Variants in GCNT1 observed in about 807,000 individuals in gnomAD.
GCNT1 encodes the protein glucosaminyl (N-acetyl) transferase 1, also known as beta-1,3-galactosyl-O-glycosyl-glycoprotein beta-1,6-N-acetylglucosaminyltransferase.
In GCNT1, 16 loss-of-function variants were observed where a neutral mutation model predicts 26.2. That is an observed-to-expected ratio of 0.61 (90% confidence interval 0.41 to 0.93). GCNT1 has a LOEUF of 0.93. Ranked by LOEUF, GCNT1 falls within the 40% of genes least tolerant of loss-of-function variation. The pLI, the probability that GCNT1 is intolerant of heterozygous loss-of-function variation, is 0.00. For missense variants in GCNT1, 477 were observed against 526.7 expected (o/e 0.91, Z 0.92); for synonymous variants, 183 against 190.8 (o/e 0.96, Z 0.34).
chr9:76,431,348 A>G (rs537983405), intron 1 of GCNT1, among the ~76,000 whole-genome samples: 69 of 152,338 alleles, frequency 4.5e-4, no homozygotes, highest in Non-Finnish European at 9.0e-4. Flanking sequence ...TACTCGCTAC[A>G]GATTTGGGGG....
the GCNT1 span, among the ~76,000 whole-genome samples, chr9:76,399,815 C>T: frequency 6.6e-6 from 1 of 152,060 alleles, no homozygotes; most frequent in East Asian, 1.9e-4. Flanking sequence ...ATTGCCAAAA[C>T]GTGGAAGCAA....
chr9:76,474,349 C>G (rs1020039509), intron 2 of GCNT1, among the ~76,000 whole-genome samples: 1 of 152,118 alleles, frequency 6.6e-6, no homozygotes, highest in African/African-American at 2.4e-5. Flanking sequence ...CAGAAACTTA[C>G]AAGTAGTGAC....
At chr9:76,484,709 A>T (rs1824518830) in intron 2 of GCNT1, among the ~76,000 whole-genome samples, 1 of 151,666 alleles carries the variant, frequency 6.6e-6, no homozygotes, top group South Asian at 2.1e-4. Flanking sequence ...GTATATTGTC[A>T]TGCTTTTTGT....
chr9:76,498,578 A>C (rs1824971150), intron 2 of GCNT1, among the ~76,000 whole-genome samples: 1 of 152,018 alleles, frequency 6.6e-6, no homozygotes, highest in Non-Finnish European at 1.5e-5. Flanking sequence ...TTCCAGACCA[A>C]CCAGGCCAAC....
chr9:76,458,175 ATTTTTTTTTTTTT>A (rs779648273), upstream of GCNT1, among the ~76,000 whole-genome samples: 1 of 76,212 alleles, frequency 1.3e-5, no homozygotes, highest in Non-Finnish European at 2.3e-5. Flanking sequence ...TCTGAGTTGG[ATTTTTTTTTTTTT>A]TTTTTTTTTT....
intron 2 of GCNT1, among the ~76,000 whole-genome samples, chr9:76,497,547 A>C (rs1431291586): frequency 2.0e-5 from 3 of 152,222 alleles, no homozygotes; most frequent in African/African-American, 7.2e-5. Context: ...TTAAAACCCA[A>C]AACTAGTGAT....
rs755947639 is a variant in GCNT1 at position 76,506,078 on chromosome 9, A to T, written c.*2410A>T. 1.2e-5 allele frequency: 2 copies of T among 167,102 alleles called. No homozygotes were observed. Among genetic ancestry groups the T allele is most frequent in the Non-Finnish European group, 2.9e-5 (2 of 68,130 alleles). The allele number at this position is 167,102 out of a possible 1,614,324, so 10.4% of individuals were successfully genotyped here. A position where few individuals can be genotyped will look rare whatever the true frequency, so the allele number is the denominator to read the frequency against. On this transcript the variant is annotated 3_prime_UTR_variant, in exon 4 of 4. Coordinates refer to ENST00000376730, the MANE Select transcript of GCNT1 (RefSeq NM_001490.5). ...GGACAATTTACAGCAAATGAAATTT[A>T]TGATGCTGTGACAAGAAATTTAAAG...
chr9:76,463,342 C>T (rs1281649221), intron 2 of GCNT1, among the ~76,000 whole-genome samples: 1 of 152,176 alleles, frequency 6.6e-6, no homozygotes, highest in African/African-American at 2.4e-5. Flanking sequence ...AGTGTGACTG[C>T]GTTGGTTGCC....
At chr9:76,493,981 T>C (rs1355283228) in intron 2 of GCNT1, among the ~76,000 whole-genome samples, 2 of 152,048 alleles carry the variant, frequency 1.3e-5, no homozygotes, top group African/African-American at 2.4e-5. Flanking sequence ...ATTGTCCCAG[T>C]GGCTTAGGAT....
In GCNT1 at chr9:76,505,360, CTG is replaced by C. The variant is rs1457046273; in HGVS notation, c.*1694_*1695del. ...GTTTTTGCATGATTAGCATGGGAGT[CTG>C]TTGGAGCAAGAGGAACATGCTTGTT... On this transcript the variant is annotated 3_prime_UTR_variant, in exon 4 of 4. Transcript: ENST00000376730. The C allele has an allele frequency of 1.2e-5, 2 of 169,002 alleles. No individual in the cohort carries two copies. The highest frequency in any genetic ancestry group is 4.8e-5 in the African/African-American group (2 of 41,544). The allele number at this position is 169,002 out of a possible 1,614,324, so 10.5% of individuals were successfully genotyped here.
At chr9:76,462,032 A>G (rs1424557851) in intron 2 of GCNT1, among the ~76,000 whole-genome samples, 1 of 152,230 alleles carries the variant, frequency 6.6e-6, no homozygotes, top group South Asian at 2.1e-4. Flanking sequence ...TAGATATTGT[A>G]CATTTTTCAT....
intron 2 of GCNT1, among the ~76,000 whole-genome samples, chr9:76,483,307 G>T (rs1270860824): frequency 6.6e-6 from 1 of 152,032 alleles, no homozygotes; most frequent in Non-Finnish European, 1.5e-5. Context: ...ACTTTTTACA[G>T]ATTTCTTTAG....
At position 76,502,941 on chromosome 9, in the gene GCNT1, A is replaced by T. The variant is rs757625842; in HGVS notation, c.560A>T (p.Tyr187Phe). Residue 187 changes from tyrosine (Y) to phenylalanine (F), a missense_variant, in exon 4 of 4, where the codon TAT (tyrosine) becomes TTT (phenylalanine). Coordinates refer to ENST00000376730, the MANE Select transcript of GCNT1 (RefSeq NM_001490.5). ...GCCAGCCGATTGGAGAGTGTGGTTT[A>T]TGCATCGTGGAGCCGGGTTCAGGCT... ...FVASRLESVV[Y>F]ASWSRVQADL... is the part of the protein sequence containing the mutation. 3 of 1,613,208 alleles carry T rather than the reference A, an allele frequency of 1.9e-6. No homozygotes were observed. Among genetic ancestry groups the T allele is most frequent in the South Asian group, 1.1e-5 (1 of 91,078 alleles).
At chr9:76,425,304 C>G (rs1235290806) in intron 1 of GCNT1, among the ~76,000 whole-genome samples, 1 of 151,920 alleles carries the variant, frequency 6.6e-6, no homozygotes, top group Non-Finnish European at 1.5e-5. Context: ...CTCACTGCAA[C>G]CTCCGCCTCT....
At chr9:76,439,223 C>CTTTTTTTTT (rs71499153), upstream of GCNT1, among the ~76,000 whole-genome samples, 32 of 120,098 alleles carry the variant, frequency 2.7e-4, no homozygotes, top group African/African-American at 3.7e-4. Context: ...TTTTCTTTTT[C>CTTTTTTTTT]TTTTTTTTTT....
intron 2 of GCNT1, among the ~76,000 whole-genome samples, chr9:76,491,555 CT>C (rs1824738203): frequency 6.6e-6 from 1 of 152,190 alleles, no homozygotes; most frequent in African/African-American, 2.4e-5. Flanking sequence ...GCCACTGGTT[CT>C]GCTAACTGGG....
intron 2 of GCNT1, among the ~76,000 whole-genome samples, chr9:76,466,691 A>T (rs539233654): frequency 6.6e-6 from 1 of 152,324 alleles, no homozygotes; most frequent in South Asian, 2.1e-4. Flanking sequence ...GAGGGTGAGA[A>T]CACAGTGCAG....
In GCNT1 at chr9:76,506,182, G is replaced by A. The variant is rs1353056759; in HGVS notation, c.*2514G>A. 1 of 167,024 alleles carries A rather than the reference G, an allele frequency of 6.0e-6. No homozygotes were observed. Among genetic ancestry groups the A allele is most frequent in the Admixed American group, 6.5e-5 (1 of 15,276 alleles). 10.3% of individuals were successfully genotyped at this position (167,024 alleles called of 1,614,324 possible). A position where few individuals can be genotyped will look rare whatever the true frequency, so the allele number is the denominator to read the frequency against. ...ACCCAAGTGATTGGTGAGAAATATA[G>A]AAATTATTTAAATTACTTTATAGTA... On this transcript the variant is annotated 3_prime_UTR_variant, in exon 4 of 4. Coordinates refer to ENST00000376730, the MANE Select transcript of GCNT1 (RefSeq NM_001490.5).
chr9:76,455,425 G>C (rs577871857), upstream of GCNT1, among the ~76,000 whole-genome samples: 1 of 152,272 alleles, frequency 6.6e-6, no homozygotes, highest in African/African-American at 2.4e-5. Flanking sequence ...TGGCCTTGTT[G>C]TAAGTGTGAA....
Sources: allele counts gnomAD v4.1 joint callset (sites outside exome capture counted in the v4.1 genomes callset), GRCh38; gene constraint gnomAD v4.1.1; transcripts MANE v1.5; gene names NCBI Gene and HGNC (gene_info 2026-07-23, HGNC 2026-07-21).